INIP: variants seen among roughly 807,000 people sequenced by gnomAD.
INIP encodes INTS3 and NABP interacting protein, also known as SOSS complex subunit C.
INIP carries 9 observed loss-of-function variants against 14.0 expected under a neutral mutation model. The observed-to-expected ratio is 0.64, with a 90% CI of 0.39 to 1.12. The LOEUF (loss-of-function observed/expected upper bound fraction) is 1.12, where lower values mean the gene tolerates loss of function less well. INIP is among the 50% of genes most tolerant of loss of function. INIP has a pLI of 0.01. For synonymous variants in INIP, 37 were observed against 41.5 expected (o/e 0.89, Z 0.41); for missense variants, 78 against 122.7 (o/e 0.64, Z 1.72).
At chr9:112,707,451 C>T (rs1564238326) in intron 2 of INIP, among the ~76,000 whole-genome samples, 2 of 151,676 alleles carry the variant, frequency 1.3e-5, no homozygotes, top group South Asian at 2.1e-4. Context: ...CTCATTTTCT[C>T]ATTCATTCAT....
intron 3 of INIP, among the ~76,000 whole-genome samples, chr9:112,693,182 CTTT>C (rs1258462162): frequency 6.6e-6 from 1 of 152,112 alleles, no homozygotes; most frequent in African/African-American, 2.4e-5. Context: ...AAATATGCTT[CTTT>C]GATATAAAAA....
Position 112,696,351 on chromosome 9 carries a change from G to T in INIP, c.26-2118C>A, listed in dbSNP as rs143433057. On this transcript the variant is annotated intron_variant, in intron 2 of 4. Coordinates refer to ENST00000374242, the MANE Select transcript of INIP (RefSeq NM_021218.3). The stretch of plus-strand genomic sequence containing the variant: ...CTTTCCATGCTGCACGTCATGACTG[G>T]CTCCACCCAGTCTTATGGATACGCC... 2.8e-3 allele frequency among the ~76,000 whole-genome samples: 419 copies of T among 152,190 alleles called. 3 individuals carry two copies. The highest frequency in any genetic ancestry group is 9.6e-3 in the African/African-American group (397 of 41,512).
At chr9:112,715,850 CT>C (rs1838795074) in intron 2 of INIP, among the ~76,000 whole-genome samples, 2 of 150,166 alleles carry the variant, frequency 1.3e-5, no homozygotes, top group South Asian at 4.2e-4. Flanking sequence ...ATTTTTTTTA[CT>C]TTTTAAACTT....
chr9:112,701,031 A>G (rs1221735892), intron 2 of INIP, among the ~76,000 whole-genome samples: 1 of 152,198 alleles, frequency 6.6e-6, no homozygotes, highest in Non-Finnish European at 1.5e-5. Flanking sequence ...TATGGTTATA[A>G]AAGCAGCCCA....
rs981495957 is a variant in INIP at position 112,700,533 on chromosome 9, ATATAT to A, written c.26-6305_26-6301del. Among the ~76,000 whole-genome samples the A allele has an allele frequency of 3.7e-3, 506 of 135,524 alleles. 3 individuals carry two copies. Among genetic ancestry groups the A allele is most frequent in the African/African-American group, 0.015 (467 of 32,132 alleles). The allele number at this position is 135,524 out of a possible 152,430, so 88.9% of individuals were successfully genotyped here. A position where few individuals can be genotyped will look rare whatever the true frequency, so the allele number is the denominator to read the frequency against. On this transcript the variant is annotated intron_variant, in intron 2 of 4. Coordinates refer to ENST00000374242, the MANE Select transcript of INIP (RefSeq NM_021218.3). ...TAAATTAGGTATATATAATATATAT[ATATAT>A]TATATATACCTAATTATATTATATA...
intron 3 of INIP, among the ~76,000 whole-genome samples, chr9:112,691,238 A>G (rs1032949042): frequency 2.6e-5 from 4 of 152,234 alleles, no homozygotes; most frequent in African/African-American, 9.6e-5. Context: ...TATAATCACA[A>G]GAGAATGGTG....
chr9:112,689,210 T>C (rs1301614434), intron 4 of INIP, among the ~76,000 whole-genome samples: 3 of 152,114 alleles, frequency 2.0e-5, no homozygotes, highest in Non-Finnish European at 4.4e-5. Context: ...AAAAAATGCA[T>C]GTACTATTTA....
chr9:112,692,747 A>C (rs930815425), intron 3 of INIP, among the ~76,000 whole-genome samples: 4 of 151,590 alleles, frequency 2.6e-5, no homozygotes, highest in African/African-American at 9.7e-5. Context: ...AAAAAAAAAA[A>C]GGCTATAAGG....
intron 3 of INIP, among the ~76,000 whole-genome samples, chr9:112,693,660 A>C (rs960349811): frequency 6.6e-6 from 1 of 152,194 alleles, no homozygotes; most frequent in South Asian, 2.1e-4. Flanking sequence ...GGCACAGGTA[A>C]AGTTTAGCCT....
At chr9:112,703,776 G>A (rs908825650) in intron 2 of INIP, among the ~76,000 whole-genome samples, 3 of 152,152 alleles carry the variant, frequency 2.0e-5, no homozygotes. Context: ...AAGGGTAAGT[G>A]CTAAAAGGAC....
intron 3 of INIP, among the ~76,000 whole-genome samples, chr9:112,693,106 T>G (rs1689818928): frequency 6.6e-6 from 1 of 152,136 alleles, no homozygotes; most frequent in African/African-American, 2.4e-5. Flanking sequence ...TGTTTACAAT[T>G]TAATCAACTA....
intron 2 of INIP, among the ~76,000 whole-genome samples, chr9:112,703,488 G>A (rs1396405129): frequency 1.3e-5 from 2 of 152,200 alleles, no homozygotes; most frequent in Non-Finnish European, 2.9e-5. Context: ...GGAGGCTGAA[G>A]TGGGAGGATC....
chr9:112,692,027 AAAAG>A (rs1588073153), intron 3 of INIP, among the ~76,000 whole-genome samples: 1 of 151,428 alleles, frequency 6.6e-6, no homozygotes, highest in Admixed American at 6.6e-5. Context: ...AAAAAGAAAA[AAAAG>A]AAAAGAAAGA....
intron 3 of INIP, among the ~76,000 whole-genome samples, chr9:112,693,225 C>A (rs1445204773): frequency 1.3e-5 from 2 of 152,080 alleles, no homozygotes; most frequent in African/African-American, 4.8e-5. Context: ...AATTAAGAAG[C>A]AGCTCAGTTA....
At chr9:112,711,019 A>G (rs975652774) in intron 2 of INIP, among the ~76,000 whole-genome samples, 1 of 145,238 alleles carries the variant, frequency 6.9e-6, no homozygotes, top group African/African-American at 2.5e-5. Context: ...TTTCTACAGG[A>G]AAAAAAAAAA....
At chr9:112,700,007 T>C (rs1249232174) in intron 2 of INIP, among the ~76,000 whole-genome samples, 2 of 152,210 alleles carry the variant, frequency 1.3e-5, no homozygotes, top group African/African-American at 4.8e-5. Context: ...CCTTACATCT[T>C]GTAGTTGTTT....
chr9:112,695,805 GAGGAGA>G (rs1564227416), intron 2 of INIP, among the ~76,000 whole-genome samples: 1 of 143,012 alleles, frequency 7.0e-6, no homozygotes, highest in Non-Finnish European at 1.5e-5. Context: ...GGAGGAGGAG[GAGGAGA>G]AGAAGAAGGA....
chr9:112,717,338 T>C (rs183466300), intron 1 of INIP, among the ~76,000 whole-genome samples: 1 of 152,302 alleles, frequency 6.6e-6, no homozygotes, highest in African/African-American at 2.4e-5. Context: ...TTCCTTTATT[T>C]ATTTATCACC....
chr9:112,707,039 G>A (rs1838494521), intron 2 of INIP, among the ~76,000 whole-genome samples: 1 of 152,126 alleles, frequency 6.6e-6, no homozygotes, highest in African/African-American at 2.4e-5. Context: ...AGCCTCCCGA[G>A]TAGCTGGGAT....
Sources: gnomAD v4.1 joint callset for allele counts (sites outside exome capture counted in the v4.1 genomes callset) on GRCh38, gnomAD v4.1.1 for gene constraint, MANE v1.5 for transcripts, NCBI Gene and HGNC (gene_info 2026-07-23, HGNC 2026-07-21) for gene names.